Variants in DNAH11 observed in about 807,000 individuals in gnomAD.
DNAH11 encodes axonemal beta dynein heavy chain 11.
A neutral mutation model predicts 526.0 loss-of-function variants in DNAH11; 442 were observed. The observed-to-expected ratio is 0.84, with a 90% CI of 0.78 to 0.91. The LOEUF is 0.91. Among genes scored for constraint, DNAH11 ranks in the 40% least tolerant of loss-of-function variants. The probability of loss-of-function intolerance (pLI) is 0.00; values close to 1 mark genes in which losing one functional copy is unlikely to be tolerated. For synonymous variants in DNAH11, 2,461 were observed against 1,935.9 expected (o/e 1.27, Z -7.12); for missense variants, 6,989 against 5,448.7 (o/e 1.28, Z -8.90).
chr7:21,877,454 A>G (rs552193304), intron 74 of DNAH11, among the ~76,000 whole-genome samples: 4 of 152,352 alleles, frequency 2.6e-5, no homozygotes, highest in South Asian at 4.1e-4. Flanking sequence ...TTCAAAATGA[A>G]CAGTTTGTTT....
At chr7:21,798,843 T>A (rs1399821103) in intron 61 of DNAH11, among the ~76,000 whole-genome samples, 1 of 152,114 alleles carries the variant, frequency 6.6e-6, no homozygotes, top group Admixed American at 6.5e-5. Flanking sequence ...ATGTCATTTT[T>A]AATTATTTTT....
chr7:21,811,289 C>T (rs551204077), intron 63 of DNAH11, among the ~76,000 whole-genome samples: 2 of 143,244 alleles, frequency 1.4e-5, no homozygotes, highest in African/African-American at 2.7e-5. Context: ...ATGGTGAAAC[C>T]CCCCCCCCTA....
rs372143147 is a variant in DNAH11 at position 21,687,448 on chromosome 7, C to A, written c.5845C>A (p.Arg1949=). 2.7e-5 allele frequency: 43 copies of A among 1,613,706 alleles called. No homozygotes were observed. The highest frequency in any genetic ancestry group is 3.6e-5 in the Non-Finnish European group (42 of 1,179,896). The part of the protein sequence containing the change: ...GAWGCFDEFN[R]ISVEVLSVVA... ...TTGGGGCTGCTTTGATGAGTTCAAC[C>A]GAATCTCTGTGGAAGTTCTGTCAGT... Residue 1949 remains arginine, a synonymous_variant, in exon 34 of 82, where the codon CGA becomes AGA. Coordinates refer to ENST00000409508, the MANE Select transcript of DNAH11 (RefSeq NM_001277115.2).
Position 21,901,256 on chromosome 7 carries a change from G to A in DNAH11, c.*2G>A, listed in dbSNP as rs556965993. 2 of 1,608,146 alleles carry A rather than the reference G, an allele frequency of 1.2e-6. No individual in the cohort carries two copies. The highest frequency in any genetic ancestry group is 2.2e-5 in the South Asian group (2 of 90,240). Reference sequence around the variant, plus strand: ...GTGGCTCTGCTTCTAGAAGCGTAAGGTAACACTGGCATTCCTCTAGCCTCT... The same window carrying A: ...GTGGCTCTGCTTCTAGAAGCGTAAGATAACACTGGCATTCCTCTAGCCTCT... On this transcript the variant is annotated 3_prime_UTR_variant, in exon 82 of 82. Coordinates refer to ENST00000409508, the MANE Select transcript of DNAH11 (RefSeq NM_001277115.2).
chr7:21,681,652 T>C lies in DNAH11; in HGVS notation c.5435T>C (p.Val1812Ala). Reference sequence around the variant, plus strand: ...ACCATAGATGTCCATGCCAGAGACGTGGTGGCAAAACTTATTTCTCAGAAG... The same window carrying C: ...ACCATAGATGTCCATGCCAGAGACGCGGTGGCAAAACTTATTTCTCAGAAG... ...ICTIDVHARDVVAKLISQKVV... is the reference protein window; with the variant it reads ...ICTIDVHARDAVAKLISQKVV... Residue 1812 changes from valine to alanine, a missense_variant, in exon 31 of 82, where the codon GTG (valine) becomes GCG (alanine). Transcript: ENST00000409508. The C allele has an allele frequency of 6.2e-7, 1 of 1,613,934 alleles. No individual in the cohort carries two copies. The highest frequency in any genetic ancestry group is 8.5e-7 in the Non-Finnish European group (1 of 1,179,860).
intron 62 of DNAH11, among the ~76,000 whole-genome samples, chr7:21,805,045 G>A (rs1338006220): frequency 6.6e-6 from 1 of 151,970 alleles, no homozygotes; most frequent in African/African-American, 2.4e-5. Flanking sequence ...CCTTTCCCAG[G>A]CAGTCACATC....
chr7:21,549,797 G>T (rs1426750077), intron 2 of DNAH11, among the ~76,000 whole-genome samples: 1 of 152,166 alleles, frequency 6.6e-6, no homozygotes, highest in Non-Finnish European at 1.5e-5. Flanking sequence ...CTGGGGCAGG[G>T]TGATATTCTA....
chr7:21,715,124 A>G (rs904699355), intron 42 of DNAH11, among the ~76,000 whole-genome samples: 3 of 152,196 alleles, frequency 2.0e-5, no homozygotes, highest in Non-Finnish European at 4.4e-5. Context: ...AACGTCTGCC[A>G]TTTTTCCAGG....
intron 8 of DNAH11, among the ~76,000 whole-genome samples, chr7:21,579,892 C>G (rs1244746353): frequency 6.6e-6 from 1 of 152,146 alleles, no homozygotes; most frequent in Admixed American, 6.5e-5. Flanking sequence ...ATAATGGTGA[C>G]TTGGACCAAG....
intron 30 of DNAH11, among the ~76,000 whole-genome samples, chr7:21,665,261 C>T (rs867838994): frequency 4.4e-4 from 67 of 151,964 alleles, no homozygotes; most frequent in African/African-American, 1.4e-3. Flanking sequence ...AGAAATTGTC[C>T]ATGTTCATTT....
intron 32 of DNAH11, among the ~76,000 whole-genome samples, chr7:21,684,809 T>C (rs1315495004): frequency 5.3e-5 from 8 of 152,260 alleles, no homozygotes; most frequent in Non-Finnish European, 1.2e-4. Context: ...GATAAGAATA[T>C]GTCACATTGA....
rs540176234 is a variant in DNAH11, at chr7:21,792,306, C to T, written c.10026+2964C>T. ...TAATCTTTTCAGTGTGTGTTGTATT[C>T]AGTTTGCTCGTATTTTGTTGAGAAT... On this transcript the variant is annotated intron_variant, in intron 61 of 81. Coordinates refer to ENST00000409508, the MANE Select transcript of DNAH11 (RefSeq NM_001277115.2). Among the ~76,000 whole-genome samples, 4 of 152,236 alleles carry T rather than the reference C, an allele frequency of 2.6e-5. No homozygotes were observed. The South Asian group carries it at 6.2e-4, about 24-fold the overall frequency.
chr7:21,721,910 G>T (rs905648997), intron 44 of DNAH11, among the ~76,000 whole-genome samples: 1 of 152,080 alleles, frequency 6.6e-6, no homozygotes, highest in South Asian at 2.1e-4. Context: ...TCAACCCTGG[G>T]TCAATTCCTT....
In DNAH11 at chr7:21,866,532, G is replaced by T. The variant is rs775980603; in HGVS notation, c.11559G>T (p.Gln3853His). ...GAGATGTGGAAGGATCTGCCAAGCA[G>T]TGGAGGAAGTGGGTAGAATCCGAGT... ...IDRDVEGSAK[Q>H]WRKWVESECP... is the part of the protein sequence containing the mutation. The change falls in exon 71 of 82, where the codon CAG becomes CAT. Residue 3853 changes from glutamine (Q) to histidine (H), a missense_variant. By Grantham distance (24) the Gln-to-His change is conservative (BLOSUM62 0). Transcript: ENST00000409508. 2.5e-6 allele frequency: 4 copies of T among 1,613,962 alleles called. No homozygotes were observed. Among genetic ancestry groups the T allele is most frequent in the Non-Finnish European group, 2.5e-6 (3 of 1,179,872 alleles).
intron 54 of DNAH11, among the ~76,000 whole-genome samples, chr7:21,760,125 G>A (rs1294743884): frequency 1.3e-5 from 2 of 152,138 alleles, no homozygotes; most frequent in African/African-American, 2.4e-5. Context: ...TTCTGGTGGG[G>A]GTGGGAGGAG....
chr7:21,756,790 A>G (rs1309518429), intron 54 of DNAH11, among the ~76,000 whole-genome samples: 1 of 152,142 alleles, frequency 6.6e-6, no homozygotes, highest in East Asian at 1.9e-4. Context: ...CCTGTTGGGA[A>G]TTATTAGAAT....
intron 25 of DNAH11, among the ~76,000 whole-genome samples, chr7:21,626,208 G>A (rs1358121961): frequency 3.9e-5 from 6 of 152,120 alleles, no homozygotes; most frequent in Non-Finnish European, 7.4e-5. Flanking sequence ...ATGGGAATAC[G>A]TGATATTTGT....
At chr7:21,832,860 T>C (rs1781843992) in intron 65 of DNAH11, among the ~76,000 whole-genome samples, 2 of 152,212 alleles carry the variant, frequency 1.3e-5, no homozygotes, top group Admixed American at 1.3e-4. Context: ...ATTTACTCTC[T>C]GATCCTTTTA....
rs1262590476 is a variant in DNAH11 at position 21,815,983 on chromosome 7, G to A, written c.10333-484G>A. On this transcript the variant is annotated intron_variant, in intron 63 of 81. Transcript: ENST00000409508. The stretch of plus-strand genomic sequence containing the variant: ...CAACTGAGGAGTTGATGGAGTTCCA[G>A]TGAACTGAATACTTTCCATTAATCC... Among the ~76,000 whole-genome samples the A allele has an allele frequency of 2.0e-5, 3 of 152,044 alleles. No homozygotes were observed. The East Asian group carries it at 5.8e-4, about 29-fold the overall frequency.
Sources: gnomAD v4.1 joint callset for allele counts (sites outside exome capture counted in the v4.1 genomes callset) on GRCh38, gnomAD v4.1.1 for gene constraint, MANE v1.5 for transcripts, NCBI Gene and HGNC (gene_info 2026-07-23, HGNC 2026-07-21) for gene names.